Variants in EXOC6B observed in about 807,000 individuals in gnomAD.
EXOC6B encodes exocyst complex component 6B, also known as SEC15 homolog B.
Under a neutral mutation model 113.5 loss-of-function variants are expected in EXOC6B, and 54 were observed. The ratio of observed to expected loss-of-function variants is 0.48; its 90% CI spans 0.38 to 0.60. The LOEUF is 0.60. Among genes scored for constraint, EXOC6B ranks in the 20% least tolerant of loss-of-function variants. EXOC6B has a pLI of 0.00. For synonymous variants in EXOC6B, 357 were observed against 339.0 expected (o/e 1.05, Z -0.58); for missense variants, 797 against 977.5 (o/e 0.82, Z 2.46).
chr2:72,802,106 C>T (rs1454057081), intron 1 of EXOC6B, among the ~76,000 whole-genome samples: 2 of 152,120 alleles, frequency 1.3e-5, no homozygotes, highest in Non-Finnish European at 2.9e-5. Flanking sequence ...AGGCGGATCA[C>T]AAGGTCGGGA....
intron 8 of EXOC6B, among the ~76,000 whole-genome samples, chr2:72,519,718 T>G (rs1038612595): frequency 4.6e-5 from 7 of 152,154 alleles, no homozygotes; most frequent in African/African-American, 1.7e-4. Flanking sequence ...ATTGACTATA[T>G]TTGGGAAGAT....
At chr2:72,551,586 G>C (rs1215438150) in intron 8 of EXOC6B, among the ~76,000 whole-genome samples, 15 of 145,754 alleles carry the variant, frequency 1.0e-4, no homozygotes, top group Middle Eastern at 4.0e-3. Flanking sequence ...CTCACTGCAA[G>C]CTCCGCCTCC....
intron 6 of EXOC6B, among the ~76,000 whole-genome samples, chr2:72,653,129 C>A (rs937312135): frequency 3.3e-5 from 5 of 151,624 alleles, no homozygotes; most frequent in Non-Finnish European, 4.4e-5. Flanking sequence ...CGGCTCTATT[C>A]GCAATAGCAA....
chr2:72,502,199 T>G (rs1700361627), intron 11 of EXOC6B, among the ~76,000 whole-genome samples: 2 of 152,258 alleles, frequency 1.3e-5, no homozygotes, highest in African/African-American at 4.8e-5. Context: ...CTATCTCATC[T>G]GATATTTTGG....
At chr2:72,469,254 G>A (rs1035281165) in intron 17 of EXOC6B, among the ~76,000 whole-genome samples, 1 of 151,796 alleles carries the variant, frequency 6.6e-6, no homozygotes, top group Non-Finnish European at 1.5e-5. Flanking sequence ...ATCCATCCAG[G>A]ATTTTCTCTA....
chr2:72,665,206 C>G (rs1675302634), intron 6 of EXOC6B, among the ~76,000 whole-genome samples: 1 of 152,264 alleles, frequency 6.6e-6, no homozygotes, highest in Non-Finnish European at 1.5e-5. Flanking sequence ...TGGAAGGGGG[C>G]TCCCCTAAGG....
intron 1 of EXOC6B, among the ~76,000 whole-genome samples, chr2:72,749,207 G>C (rs1681887889): frequency 6.6e-6 from 1 of 152,102 alleles, no homozygotes; most frequent in Non-Finnish European, 1.5e-5. Context: ...GATACTTATT[G>C]ACTCTAACCT....
intron 6 of EXOC6B, among the ~76,000 whole-genome samples, chr2:72,671,956 C>T (rs750657110): frequency 1.3e-4 from 19 of 151,776 alleles, no homozygotes; most frequent in Non-Finnish European, 2.1e-4. Flanking sequence ...GGCTCAACAT[C>T]ACTAATCATC....
chr2:72,327,923 A>G (rs538114621), intron 20 of EXOC6B, among the ~76,000 whole-genome samples: 1 of 152,266 alleles, frequency 6.6e-6, no homozygotes, highest in Non-Finnish European at 1.5e-5. Context: ...TGCAGAGACT[A>G]CTAAAGCATT....
intron 1 of EXOC6B, among the ~76,000 whole-genome samples, chr2:72,746,042 A>C (rs1681673576): frequency 6.6e-6 from 1 of 152,108 alleles, no homozygotes; most frequent in Admixed American, 6.6e-5. Flanking sequence ...AAAAATCTAA[A>C]AACTATATTC....
intron 20 of EXOC6B, among the ~76,000 whole-genome samples, chr2:72,269,918 T>A (rs1242489569): frequency 6.6e-6 from 1 of 152,120 alleles, no homozygotes; most frequent in Non-Finnish European, 1.5e-5. Context: ...AGTTAACTAA[T>A]CTTTTCTTAA....
chr2:72,672,320 G>T (rs1266796385), intron 6 of EXOC6B, among the ~76,000 whole-genome samples: 1 of 151,840 alleles, frequency 6.6e-6, no homozygotes, highest in African/African-American at 2.4e-5. Flanking sequence ...TCCATCAATG[G>T]ATAAACAGAT....
intron 18 of EXOC6B, among the ~76,000 whole-genome samples, chr2:72,388,447 G>A (rs755006025): frequency 4.0e-5 from 6 of 151,854 alleles, no homozygotes; most frequent in Non-Finnish European, 5.9e-5. Context: ...ATTTACTGAC[G>A]CATGTTTTAT....
At chr2:72,720,087 T>C (rs1048571365) in intron 5 of EXOC6B, among the ~76,000 whole-genome samples, 2 of 152,136 alleles carry the variant, frequency 1.3e-5, no homozygotes, top group Non-Finnish European at 2.9e-5. Flanking sequence ...TGACCTCCAG[T>C]AGACTGTGAT....
At chr2:72,583,890 T>G (rs1395083761) in intron 6 of EXOC6B, among the ~76,000 whole-genome samples, 2 of 152,162 alleles carry the variant, frequency 1.3e-5, no homozygotes, top group African/African-American at 4.8e-5. Context: ...CCAGCTAATT[T>G]TTTGTGTTTT....
chr2:72,290,836 T>C (rs1337968104), intron 20 of EXOC6B, among the ~76,000 whole-genome samples: 3 of 152,104 alleles, frequency 2.0e-5, no homozygotes, highest in Non-Finnish European at 4.4e-5. Context: ...CCAAAAATTA[T>C]GTTTTCTCTT....
chr2:72,561,757 G>T (rs1462900778), intron 7 of EXOC6B, among the ~76,000 whole-genome samples: 1 of 152,048 alleles, frequency 6.6e-6, no homozygotes, highest in Non-Finnish European at 1.5e-5. Context: ...GCCACTTTTT[G>T]TCATCTCCAA....
chr2:72,813,551 C>CATTT (rs1188790971), intron 1 of EXOC6B, among the ~76,000 whole-genome samples: 1 of 152,172 alleles, frequency 6.6e-6, no homozygotes, highest in Non-Finnish European at 1.5e-5. Flanking sequence ...CTCTTCCTTA[C>CATTT]AAATGTCAAG....
At chr2:72,250,180 A>C (rs1398181487) in intron 20 of EXOC6B, among the ~76,000 whole-genome samples, 3 of 152,176 alleles carry the variant, frequency 2.0e-5, no homozygotes, top group African/African-American at 7.2e-5. Context: ...CATTTTTATA[A>C]TTTGGGGGAT....
Sources: allele counts gnomAD v4.1 joint callset (sites outside exome capture counted in the v4.1 genomes callset), GRCh38; gene constraint gnomAD v4.1.1; transcripts MANE v1.5; gene names NCBI Gene and HGNC (gene_info 2026-07-23, HGNC 2026-07-21).